The following LRP11 variants were observed in gnomAD, a reference collection of about 807,000 sequenced individuals.
The protein encoded by LRP11 is LDL receptor related protein 11, also known as low-density lipoprotein receptor-related protein 11.
A neutral mutation model predicts 43.1 loss-of-function variants in LRP11; 25 were observed. That is an observed-to-expected ratio of 0.58 (90% CI 0.42 to 0.81). LRP11 has a LOEUF of 0.81. Among genes scored for constraint, LRP11 ranks in the 30% least tolerant of loss-of-function variants. The pLI is 0.00. For missense variants in LRP11, 623 were observed against 665.1 expected (o/e 0.94, Z 0.70); for synonymous variants, 316 against 299.4 (o/e 1.06, Z -0.57).
At chr6:149,840,548 G>T (rs1285023825) in intron 3 of LRP11, among the ~76,000 whole-genome samples, 1 of 152,204 alleles carries the variant, frequency 6.6e-6, no homozygotes, top group Non-Finnish European at 1.5e-5. Flanking sequence ...GGACAAACAA[G>T]TGGCCGGTGA....
intron 1 of LRP11, among the ~76,000 whole-genome samples, chr6:149,856,087 C>T (rs908574747): frequency 2.0e-5 from 3 of 152,048 alleles, no homozygotes; most frequent in Admixed American, 1.3e-4. Flanking sequence ...AGCAGTTATA[C>T]ATTACAGCTA....
intron 6 of LRP11, among the ~76,000 whole-genome samples, chr6:149,821,396 T>A (rs553102618): frequency 6.6e-6 from 1 of 152,368 alleles, no homozygotes; most frequent in South Asian, 2.1e-4. Context: ...AATTCATACA[T>A]GATCATTCTT....
At chr6:149,862,263 A>G (rs1308502708) in intron 1 of LRP11, among the ~76,000 whole-genome samples, 7 of 152,226 alleles carry the variant, frequency 4.6e-5, no homozygotes, top group African/African-American at 1.7e-4. Flanking sequence ...GACTCTTTCA[A>G]TGGATCCACA....
chr6:149,821,304 T>C (rs1258055924), intron 6 of LRP11, among the ~76,000 whole-genome samples: 2 of 152,238 alleles, frequency 1.3e-5, no homozygotes, highest in Non-Finnish European at 2.9e-5. Context: ...GTACACATAC[T>C]ACCATCTGAT....
intron 1 of LRP11, among the ~76,000 whole-genome samples, chr6:149,854,504 C>T (rs777239839): frequency 2.0e-5 from 3 of 152,028 alleles, no homozygotes; most frequent in Admixed American, 6.6e-5. Context: ...CAGGGATGAC[C>T]GAAAGGATAA....
intron 6 of LRP11, among the ~76,000 whole-genome samples, chr6:149,821,947 G>T (rs1444255033): frequency 6.6e-6 from 1 of 152,104 alleles, no homozygotes; most frequent in African/African-American, 2.4e-5. Flanking sequence ...ATAAGCTAAG[G>T]CCAAGAATAC....
At position 149,863,890 on chromosome 6, in the gene LRP11, G is replaced by T; in HGVS notation, c.131C>A (p.Pro44Gln). The change falls in exon 1 of 7, where the codon CCG becomes CAG. Residue 44 changes from proline to glutamine, a missense_variant. Transcript: ENST00000239367. ...SGRAALPPAA[P>Q]LSELHAQLSG... ...CAGCTGCGCGTGCAGTTCGGACAGC[G>T]GCGCCGCGGGCGGCAAGGCCGCACG... 6.7e-7 allele frequency: 1 copy of T among 1,490,940 alleles called. No individual in the cohort carries two copies. The highest frequency in any genetic ancestry group is 8.9e-7 in the Non-Finnish European group (1 of 1,128,548). The allele number at this position is 1,490,940 out of a possible 1,614,324, so 92.4% of individuals were successfully genotyped here.
chr6:149,851,182 T>C (rs2115407456), intron 2 of LRP11, among the ~76,000 whole-genome samples: 1 of 152,200 alleles, frequency 6.6e-6, no homozygotes, highest in African/African-American at 2.4e-5. Context: ...TGGTTCAGAG[T>C]TTCCTCTTGA....
chr6:149,845,227 CT>C (rs1776614644), intron 2 of LRP11, among the ~76,000 whole-genome samples: 1 of 152,252 alleles, frequency 6.6e-6, no homozygotes, highest in Non-Finnish European at 1.5e-5. Flanking sequence ...AGAGCTGGGC[CT>C]GGCCCATAGT....
chr6:149,830,121 C>T (rs1776390479), intron 5 of LRP11, among the ~76,000 whole-genome samples: 1 of 151,612 alleles, frequency 6.6e-6, no homozygotes, highest in African/African-American at 2.4e-5. Flanking sequence ...AGCGATTCTC[C>T]TGCCTCAGCC....
chr6:149,831,265 C>T (rs1000193321), intron 5 of LRP11, among the ~76,000 whole-genome samples: 2 of 152,186 alleles, frequency 1.3e-5, no homozygotes, highest in Admixed American at 6.5e-5. Flanking sequence ...AGGCATGATC[C>T]GGAAGAAATA....
At chr6:149,822,501 T>TAAAA (rs35135120) in intron 6 of LRP11, among the ~76,000 whole-genome samples, 24 of 143,774 alleles carry the variant, frequency 1.7e-4, no homozygotes, top group African/African-American at 6.0e-4. Flanking sequence ...GATCCTGTCT[T>TAAAA]AAAAAAAAAA....
intron 2 of LRP11, among the ~76,000 whole-genome samples, chr6:149,847,692 C>A (rs1776658107): frequency 6.6e-6 from 1 of 152,126 alleles, no homozygotes; most frequent in African/African-American, 2.4e-5. Context: ...GCAGTAACAG[C>A]CTTTGGTGGT....
intron 2 of LRP11, among the ~76,000 whole-genome samples, chr6:149,845,561 C>T (rs910430140): frequency 6.6e-6 from 1 of 152,150 alleles, no homozygotes; most frequent in Non-Finnish European, 1.5e-5. Flanking sequence ...TGACAGAATG[C>T]CAAACGGGTC....
chr6:149,845,143 A>T (rs1776613337), intron 2 of LRP11, among the ~76,000 whole-genome samples: 1 of 152,172 alleles, frequency 6.6e-6, no homozygotes, highest in Non-Finnish European at 1.5e-5. Context: ...TCCAAACCTC[A>T]TTGTTTTCAT....
At chr6:149,820,809 A>G (rs2115367745) in intron 6 of LRP11, 106 bp from the exon 7 acceptor site, 1 of 615,458 alleles carries the variant, frequency 1.6e-6, no homozygotes, top group East Asian at 2.7e-5. Context: ...TATTTAATCC[A>G]AACAAATTGT....
intron 1 of LRP11, among the ~76,000 whole-genome samples, chr6:149,862,395 C>T (rs1776920056): frequency 6.6e-6 from 1 of 152,140 alleles, no homozygotes; most frequent in African/African-American, 2.4e-5. Context: ...CCTGACCACA[C>T]GTGGGCACAA....
At position 149,838,231 on chromosome 6, in the gene LRP11, T is replaced by C. The variant is rs140106953; in HGVS notation, c.914-768A>G. 1.5e-3 allele frequency among the ~76,000 whole-genome samples: 229 copies of C among 152,116 alleles called. 3 individuals carry two copies. Among genetic ancestry groups the C allele is most frequent in the Admixed American group, 0.013 (199 of 15,272 alleles). On this transcript the variant is annotated intron_variant, in intron 3 of 6. Transcript: ENST00000239367. The stretch of plus-strand genomic sequence containing the variant: ...ACCGTGCCTGGCCCAGAGGTACTAT[T>C]TTACATATGCTATGTCTTACATTCT...
rs149564595 is a variant in LRP11, at chr6:149,820,631, C to T, written c.1421G>A (p.Arg474Gln). 3.7e-5 allele frequency: 29 copies of T among 780,860 alleles called. No homozygotes were observed. Among genetic ancestry groups the T allele is most frequent in the African/African-American group, 3.0e-4 (18 of 59,108 alleles). The allele number at this position is 780,860 out of a possible 1,614,324, so 48.4% of individuals were successfully genotyped here. The change falls in exon 7 of 7, where the codon CGA (arginine) becomes CAA (glutamine). Residue 474 changes from arginine (R) to glutamine (Q), a missense_variant. Transcript: ENST00000239367. ...TTTTTTCAGTTTCTGTTTCACCAGT[C>T]GTAGTCGGCATGCAACCATGAGAAG... ...LLLLMVACRL[R>Q]LVKQKLKKAR...
Sources: gnomAD v4.1 joint callset for allele counts (sites outside exome capture counted in the v4.1 genomes callset) on GRCh38, gnomAD v4.1.1 for gene constraint, MANE v1.5 for transcripts, NCBI Gene and HGNC (gene_info 2026-07-23, HGNC 2026-07-21) for gene names.